The following SLC35F2 variants were observed in gnomAD, a reference collection of about 807,000 sequenced individuals.
The protein encoded by SLC35F2 is queuine/queuosine transporter SLC35F2.
Under a neutral mutation model 38.1 loss-of-function variants are expected in SLC35F2, and 25 were observed. The ratio of observed to expected loss-of-function variants is 0.66; its 90% CI spans 0.48 to 0.92. SLC35F2 has a LOEUF of 0.92. SLC35F2 is among the 40% of genes least tolerant of loss of function. The pLI is 0.00. For missense variants in SLC35F2, 409 were observed against 452.9 expected, an observed-to-expected ratio of 0.90 and a Z score of 0.88; for synonymous variants, 173 against 181.7, an observed-to-expected ratio of 0.95 and a Z score of 0.38.
chr11:107,846,229 C>G (rs548415133), intron 1 of SLC35F2, among the ~76,000 whole-genome samples: 69 of 151,062 alleles, frequency 4.6e-4, no homozygotes, highest in Non-Finnish European at 6.5e-4. Context: ...AAAAAAATCA[C>G]ATGTGACAAC....
intron 1 of SLC35F2, among the ~76,000 whole-genome samples, chr11:107,838,328 G>A (rs1166501233): frequency 6.6e-6 from 1 of 151,996 alleles, no homozygotes; most frequent in Admixed American, 6.6e-5. Flanking sequence ...GTTTCTTTTC[G>A]TTTCTTTTCT....
chr11:107,805,639 T>C (rs574053682), intron 4 of SLC35F2, 124 bp from the exon 5 acceptor site: 4 of 1,454,504 alleles, frequency 2.8e-6, no homozygotes, highest in East Asian at 2.5e-5. Flanking sequence ...AACTGGTTAC[T>C]AGAAGTTTAT....
intron 1 of SLC35F2, among the ~76,000 whole-genome samples, chr11:107,857,561 T>G (rs1860313094): frequency 1.3e-5 from 2 of 152,210 alleles, no homozygotes; most frequent in South Asian, 2.1e-4. Flanking sequence ...CTTTCCCCTT[T>G]AAACACATGC....
intron 1 of SLC35F2, among the ~76,000 whole-genome samples, chr11:107,818,135 AAAG>A (rs1859614753): frequency 6.8e-6 from 1 of 147,982 alleles, no homozygotes; most frequent in Non-Finnish European, 1.5e-5. Context: ...AAAGAAAGAA[AAAG>A]AAACAATTGT....
At position 107,816,191 on chromosome 11, in the gene SLC35F2, TCCC is replaced by T. The variant is rs1238100111; in HGVS notation, c.111-229_111-227del. 12 of 985,216 alleles carry T rather than the reference TCCC, an allele frequency of 1.2e-5. No individual in the cohort carries two copies. The African/African-American group carries it at 1.7e-4, about 14-fold the overall frequency. 61.0% of individuals were successfully genotyped at this position (985,216 alleles called of 1,614,324 possible). On this transcript the variant is annotated intron_variant, in intron 1 of 7. Transcript: ENST00000525815. ...CCCCTCCATTCCCACAAAAGCATAT[TCCC>T]CCATTTCACTGAACATCCATTTAGA... is the stretch of plus-strand genomic sequence containing the variant.
chr11:107,799,657 C>G (rs28421595), intron 7 of SLC35F2, among the ~76,000 whole-genome samples: 10,279 of 152,082 alleles, frequency 0.068, 839 homozygotes, highest in East Asian at 0.28. Flanking sequence ...ATGGCATGAT[C>G]TCGGCTCACT....
intron 7 of SLC35F2, among the ~76,000 whole-genome samples, chr11:107,798,183 T>C (rs1027984116): frequency 6.6e-6 from 1 of 152,028 alleles, no homozygotes; most frequent in Admixed American, 6.6e-5. Flanking sequence ...TTTGTATTTT[T>C]AATAGAGATG....
intron 1 of SLC35F2, chr11:107,858,444 C>T (rs1339263051): frequency 4.9e-6 from 2 of 407,982 alleles, no homozygotes; most frequent in Admixed American, 4.5e-5. Flanking sequence ...GATTTCGAAA[C>T]GGGAGCCGAG....
At chr11:107,816,121 TGTTA>T (rs769189368) in intron 1 of SLC35F2, 156 bp from the exon 2 acceptor site, 34 of 985,192 alleles carry the variant, frequency 3.5e-5, no homozygotes, top group Admixed American at 6.2e-5. Flanking sequence ...AAAATTAAAA[TGTTA>T]GTTACTGAAG....
In SLC35F2 at chr11:107,843,867, AAATATATATATATATATAT is replaced by A. The variant is rs1232868194; in HGVS notation, c.110+14772_110+14790del. On this transcript the variant is annotated intron_variant, in intron 1 of 7. Transcript: ENST00000525815. ...ATCTTAAAAAAAAAAAAAAAAAAAA[AAATATATATATATATATAT>A]ATATATATATATATATATATATGTA... 2.6e-3 allele frequency among the ~76,000 whole-genome samples: 81 copies of A among 30,700 alleles called. 5 individuals are homozygous for A. Among genetic ancestry groups the A allele is most frequent in the South Asian group, 9.9e-3 (7 of 706 alleles). The allele number at this position is 30,700 out of a possible 152,430, so 20.1% of individuals were successfully genotyped here. A position where few individuals can be genotyped will look rare whatever the true frequency, so the allele number is the denominator to read the frequency against.
At chr11:107,797,077 C>T (rs921859662) in intron 7 of SLC35F2, among the ~76,000 whole-genome samples, 4 of 152,136 alleles carry the variant, frequency 2.6e-5, no homozygotes, top group African/African-American at 9.7e-5. Flanking sequence ...GATAAATACT[C>T]GAGGTGATGG....
intron 1 of SLC35F2, among the ~76,000 whole-genome samples, chr11:107,841,866 C>T (rs1363028636): frequency 6.6e-6 from 1 of 151,902 alleles, no homozygotes; most frequent in Non-Finnish European, 1.5e-5. Flanking sequence ...AGTTCGAAAC[C>T]AGTCTGGCCA....
chr11:107,856,571 T>G (rs1407865913), intron 1 of SLC35F2, among the ~76,000 whole-genome samples: 2 of 151,852 alleles, frequency 1.3e-5, no homozygotes, highest in Non-Finnish European at 2.9e-5. Context: ...GTGGTATACA[T>G]CTGTAATCCC....
At position 107,806,782 on chromosome 11, in the gene SLC35F2, A is replaced by C. The variant is rs1311199043; in HGVS notation, c.509T>G (p.Val170Gly). 1.9e-6 allele frequency: 3 copies of C among 1,614,170 alleles called. No homozygotes were observed. Among genetic ancestry groups the C allele is most frequent in the East Asian group, 2.2e-5 (1 of 44,886 alleles). ...CATGGTTCCTACACCCAACAGACAG[A>C]CAGCCACGGCGATGAAGTGGATCAC... ...YRVIHFIAVA[V>G]CLLGVGTMVG... The change falls in exon 4 of 8, where the codon GTC (valine) becomes GGC (glycine). Residue 170 changes from valine (V) to glycine (G), a missense_variant. Coordinates refer to ENST00000525815, the MANE Select transcript of SLC35F2 (RefSeq NM_017515.5).
chr11:107,827,429 A>G (rs1859769525), intron 1 of SLC35F2, among the ~76,000 whole-genome samples: 1 of 151,760 alleles, frequency 6.6e-6, no homozygotes, highest in African/African-American at 2.4e-5. Context: ...AGCCTGGCCA[A>G]AAGGGTGAAA....
At chr11:107,849,747 G>A (rs1288726090) in intron 1 of SLC35F2, among the ~76,000 whole-genome samples, 2 of 151,870 alleles carry the variant, frequency 1.3e-5, no homozygotes, top group Non-Finnish European at 2.9e-5. Context: ...CTTCCTTCAA[G>A]TCAACCAGAA....
At chr11:107,800,268 T>G (rs1859286862) in intron 7 of SLC35F2, among the ~76,000 whole-genome samples, 1 of 151,978 alleles carries the variant, frequency 6.6e-6, no homozygotes. Context: ...CCAGCAAGTC[T>G]GCAAAGATAA....
At chr11:107,810,966 A>G in intron 3 of SLC35F2, 1 of 981,004 alleles carries the variant, frequency 1.0e-6, no homozygotes, top group Non-Finnish European at 1.2e-6. Context: ...ATTTAAAAAA[A>G]TGAAAAAAAA....
At chr11:107,810,100 A>C in intron 3 of SLC35F2, 1 of 985,288 alleles carries the variant, frequency 1.0e-6, no homozygotes, top group Non-Finnish European at 1.2e-6. Flanking sequence ...TACCCAGGCC[A>C]GAGATTTACT....
Sources: allele counts gnomAD v4.1 joint callset (sites outside exome capture counted in the v4.1 genomes callset), GRCh38; gene constraint gnomAD v4.1.1; transcripts MANE v1.5; gene names NCBI Gene and HGNC (gene_info 2026-07-23, HGNC 2026-07-21).